Variants in PITPNM2 observed in about 807,000 individuals in gnomAD.
The protein encoded by PITPNM2 is phosphatidylinositol transfer protein membrane associated 2, also known as membrane-associated phosphatidylinositol transfer protein 2.
A neutral mutation model predicts 132.2 loss-of-function variants in PITPNM2; 35 were observed. That is an observed-to-expected ratio of 0.26 (90% CI 0.20 to 0.35). The LOEUF is 0.35. Ranked by LOEUF, PITPNM2 falls within the 10% of genes least tolerant of loss-of-function variation. The pLI is 1.00. For missense variants in PITPNM2, 1,332 were observed against 1,912.0 expected (o/e 0.70, Z 5.66); for synonymous variants, 738 against 799.2 (o/e 0.92, Z 1.29).
rs529419856 is a variant in PITPNM2 at position 122,993,172 on chromosome 12, G to A, written c.2234-503C>T. Among the ~76,000 whole-genome samples the A allele has an allele frequency of 6.6e-6, 1 of 152,244 alleles. No individual in the cohort carries two copies. Among genetic ancestry groups the A allele is most frequent in the African/African-American group, 2.4e-5 (1 of 41,554 alleles). On this transcript the variant is annotated intron_variant, in intron 15 of 25. Transcript: ENST00000320201. The surrounding 1 kb of genome is among the most constrained non-coding windows in gnomAD (Gnocchi z 5.2). ...AAAGTTATAATGATTGTGGTAAAAGGTGGTTTGCAGTACAGAAGAGCATAT... is the reference window on the plus strand; with the variant it reads ...AAAGTTATAATGATTGTGGTAAAAGATGGTTTGCAGTACAGAAGAGCATAT...
chr12:122,986,343 G>A lies in PITPNM2; in HGVS notation c.3734C>T (p.Thr1245Met), dbSNP rs2037932136. 4.4e-6 allele frequency: 7 copies of A among 1,582,184 alleles called. No homozygotes were observed. The highest frequency in any genetic ancestry group is 1.2e-5 in the South Asian group (1 of 86,494). Residue 1245 changes from threonine to methionine, a missense_variant, in exon 26 of 26, where the codon ACG becomes ATG. Physicochemically the swap from Thr to Met is moderately conservative, Grantham distance 81. Transcript: ENST00000320201. ...CGCCAGGTGGGCCGCGTAGCCATCCGTGATGAACTGCGGGGTCAGTGAGGA... is the reference window on the plus strand; with the variant it reads ...CGCCAGGTGGGCCGCGTAGCCATCCATGATGAACTGCGGGGTCAGTGAGGA... ...KKLQQQCQFI[T>M]DGYAAHLAQL...
intron 10 of PITPNM2, 36 bp from the exon 11 acceptor site, chr12:122,997,608 G>A: frequency 4.4e-6 from 7 of 1,591,610 alleles, no homozygotes; most frequent in Non-Finnish European, 6.0e-6. Flanking sequence ...GCTCCCCAGG[G>A]AACCCAGCTC....
intron 16 of PITPNM2, among the ~76,000 whole-genome samples, chr12:122,991,103 C>T (rs1023702722): frequency 6.6e-6 from 1 of 152,234 alleles, no homozygotes; most frequent in Non-Finnish European, 1.5e-5. Flanking sequence ...GTTTGCAGGG[C>T]GCTGACAACA....
At chr12:123,069,068 T>TAG (rs2041540832) in intron 2 of PITPNM2, among the ~76,000 whole-genome samples, 3 of 151,738 alleles carry the variant, frequency 2.0e-5, no homozygotes, top group Admixed American at 6.6e-5. Context: ...GCCTGGGCAA[T>TAG]ATGGTGAGAC....
At chr12:123,089,247 T>G (rs1349330102) in intron 2 of PITPNM2, 1 of 152,080 alleles carries the variant, frequency 6.6e-6, no homozygotes, top group Non-Finnish European at 1.5e-5. Context: ...CCTCGTGAAA[T>G]TAGGCAACAG....
intron 3 of PITPNM2, among the ~76,000 whole-genome samples, chr12:123,015,849 T>C (rs1008511433): frequency 4.6e-5 from 7 of 152,326 alleles, no homozygotes; most frequent in African/African-American, 1.7e-4. Context: ...TTGCATACCA[T>C]GTATCTGATA....
chr12:123,103,377 T>G (rs143578527), intron 2 of PITPNM2, among the ~76,000 whole-genome samples: 93 of 152,308 alleles, frequency 6.1e-4, no homozygotes, highest in African/African-American at 2.0e-3. Flanking sequence ...ATGAGCCAAG[T>G]GAATAATGCA....
At chr12:123,026,472 T>A (rs74763500) in intron 3 of PITPNM2, among the ~76,000 whole-genome samples, 15,327 of 152,260 alleles carry the variant, frequency 0.1, 2,558 homozygotes, top group African/African-American at 0.35. Flanking sequence ...CTATGCAGTT[T>A]GTGGTTCTTT....
intron 1 of PITPNM2, among the ~76,000 whole-genome samples, chr12:123,141,462 C>T (rs1012141115): frequency 6.6e-6 from 1 of 152,170 alleles, no homozygotes; most frequent in African/African-American, 2.4e-5. Flanking sequence ...ACCAGCAACT[C>T]AAACACAAAT....
Position 122,986,177 on chromosome 12 carries a change from C to T in PITPNM2, c.3900G>A (p.Gln1300=). ...RNHLLRTISA[Q]PSGPSHRHER... Reference sequence around the variant, plus strand: ...CGTGCCGGTGGCTGGGCCCGCTGGGCTGGGCCGAGATGGTGCGAAGCAGGT... The same window carrying T: ...CGTGCCGGTGGCTGGGCCCGCTGGGTTGGGCCGAGATGGTGCGAAGCAGGT... The change falls in exon 26 of 26, where the codon CAG becomes CAA. Residue 1300 remains glutamine, a synonymous_variant. Coordinates refer to ENST00000320201, the MANE Select transcript of PITPNM2 (RefSeq NM_020845.3). 6.5e-7 allele frequency: 1 copy of T among 1,543,852 alleles called. No homozygotes were observed. The highest frequency in any genetic ancestry group is 8.7e-7 in the Non-Finnish European group (1 of 1,149,708).
At position 122,987,932 on chromosome 12, in the gene PITPNM2, G is replaced by C. The variant is rs763195333; in HGVS notation, c.2998-31C>G. On this transcript the variant is annotated intron_variant, in intron 20 of 25. Transcript: ENST00000320201. ...GAGGGAGTGGCAAGCCCAGGTCAGG[G>C]GGTCGGAGGGCACCCCGGGTCCCTG... 8 of 1,579,838 alleles carry C rather than the reference G, an allele frequency of 5.1e-6. No individual in the cohort carries two copies. In the African/African-American group the frequency reaches 1.1e-4, roughly 21 times the overall value.
rs577220272 is a variant in PITPNM2 at position 123,031,014 on chromosome 12, T to C, written c.78+3499A>G. ...GGGGGAGTGAGGAGTGACTGTTTAA[T>C]GGATATGGGGTTTCTTTCTGGGGTG... On this transcript the variant is annotated intron_variant, in intron 3 of 25. Coordinates refer to ENST00000320201, the MANE Select transcript of PITPNM2 (RefSeq NM_020845.3). The surrounding 1 kb of genome is among the most constrained non-coding windows in gnomAD (Gnocchi z 4.5). Among the ~76,000 whole-genome samples the C allele has an allele frequency of 6.6e-6, 1 of 152,282 alleles. No individual in the cohort carries two copies. Among genetic ancestry groups the C allele is most frequent in the South Asian group, 2.1e-4 (1 of 4,818 alleles).
chr12:123,148,646 T>C (rs1389451619), intron 1 of PITPNM2, among the ~76,000 whole-genome samples: 1 of 152,042 alleles, frequency 6.6e-6, no homozygotes, highest in Non-Finnish European at 1.5e-5. Context: ...CAATCAACTC[T>C]GGACAAGAAG....
intron 2 of PITPNM2, chr12:123,092,615 G>A (rs898774899): frequency 1.3e-5 from 2 of 152,290 alleles, no homozygotes; most frequent in African/African-American, 4.8e-5. Context: ...AGGGCCTCAG[G>A]CCAGACATGG....
chr12:123,011,618 C>T (rs1034695038), intron 5 of PITPNM2, among the ~76,000 whole-genome samples: 7 of 152,136 alleles, frequency 4.6e-5, no homozygotes, highest in African/African-American at 1.2e-4. Flanking sequence ...TAAGGTGGGT[C>T]CTAACCCAGT....
In PITPNM2 at chr12:123,009,246, AG is replaced by A. The variant is rs928464343; in HGVS notation, c.643+603del. Among the ~76,000 whole-genome samples, 2 of 152,284 alleles carry A rather than the reference AG, an allele frequency of 1.3e-5. No individual in the cohort carries two copies. The highest frequency in any genetic ancestry group is 4.1e-4 in the South Asian group (2 of 4,822). On this transcript the variant is annotated intron_variant, in intron 6 of 25. Coordinates refer to ENST00000320201, the MANE Select transcript of PITPNM2 (RefSeq NM_020845.3). The surrounding 1 kb of genome is among the most constrained non-coding windows in gnomAD (Gnocchi z 4.8). ...TGACATCATGCTATGACCTCGGCAG[AG>A]GGGGGTTTAGGGCTCTAGGTGAGGA...
chr12:123,085,329 T>C (rs2042081541), intron 2 of PITPNM2, among the ~76,000 whole-genome samples: 1 of 152,176 alleles, frequency 6.6e-6, no homozygotes, highest in Non-Finnish European at 1.5e-5. Flanking sequence ...CACACAGTGC[T>C]GACATCCCCT....
chr12:123,060,485 C>T (rs1445629773), intron 2 of PITPNM2, among the ~76,000 whole-genome samples: 4 of 152,252 alleles, frequency 2.6e-5, no homozygotes, highest in South Asian at 2.1e-4. Context: ...AAGCCCCCAG[C>T]GCCTGACACT....
chr12:123,057,589 G>A (rs2041077775), intron 2 of PITPNM2, among the ~76,000 whole-genome samples: 1 of 152,132 alleles, frequency 6.6e-6, no homozygotes, highest in South Asian at 2.1e-4. Flanking sequence ...TGGTTTCTAA[G>A]TGCTCTCTCC....
Sources: allele counts gnomAD v4.1 joint callset (sites outside exome capture counted in the v4.1 genomes callset), GRCh38; gene constraint gnomAD v4.1.1; non-coding constraint Gnocchi (gnomAD v3.1); transcripts MANE v1.5; gene names NCBI Gene and HGNC (gene_info 2026-07-23, HGNC 2026-07-21).